The following STAM2 variants were observed in gnomAD, a reference collection of about 807,000 sequenced individuals.
STAM2 encodes the protein signal transducing adapter molecule 2.
STAM2 carries 51 observed loss-of-function variants against 65.6 expected under a neutral mutation model. The ratio of observed to expected loss-of-function variants is 0.78; its 90% CI spans 0.62 to 0.98. The LOEUF is 0.98. Among genes scored for constraint, STAM2 ranks in the 50% least tolerant of loss-of-function variants. The pLI, the probability that STAM2 is intolerant of heterozygous loss-of-function variation, is 0.00. For missense variants in STAM2, 584 were observed against 617.8 expected, an observed-to-expected ratio of 0.95 and a Z score of 0.58; for synonymous variants, 198 against 208.4, an observed-to-expected ratio of 0.95 and a Z score of 0.43.
intron 8 of STAM2, among the ~76,000 whole-genome samples, chr2:152,134,179 T>C (rs1432533375): frequency 6.6e-6 from 1 of 152,192 alleles, no homozygotes; most frequent in East Asian, 1.9e-4. Context: ...AAAACCTATG[T>C]AGCCAAACAA....
At chr2:152,156,361 T>C (rs1689546541) in intron 1 of STAM2, among the ~76,000 whole-genome samples, 1 of 152,206 alleles carries the variant, frequency 6.6e-6, no homozygotes, top group African/African-American at 2.4e-5. Flanking sequence ...ATTTAAATTA[T>C]GCACTTAGGA....
chr2:152,141,659 C>T (rs1000660613), intron 7 of STAM2, among the ~76,000 whole-genome samples: 8 of 151,796 alleles, frequency 5.3e-5, no homozygotes, highest in Admixed American at 1.3e-4. Flanking sequence ...GGCACGATCT[C>T]GGCTCACTGC....
intron 7 of STAM2, among the ~76,000 whole-genome samples, chr2:152,141,525 C>T (rs576743918): frequency 9.2e-5 from 14 of 151,896 alleles, no homozygotes; most frequent in African/African-American, 1.2e-4. Context: ...TAAAGCAAGA[C>T]TCTGTCTCAA....
Position 152,132,078 on chromosome 2 carries a change from A to G in STAM2, c.1025+36T>C, listed in dbSNP as rs762611959. 2.3e-5 allele frequency: 35 copies of G among 1,527,472 alleles called. No homozygotes were observed. The East Asian group carries it at 8.3e-4, about 36-fold the overall frequency. 94.6% of individuals were successfully genotyped at this position (1,527,472 alleles called of 1,614,324 possible). A position where few individuals can be genotyped will look rare whatever the true frequency, so the allele number is the denominator to read the frequency against. On this transcript the variant is annotated intron_variant, in intron 11 of 13. Transcript: ENST00000263904. ...TGCCAAAACACAAGTGAACCCCCCA[A>G]AACTATACTTTTTATTCCTGCACGA...
chr2:152,134,962 G>C (rs933118202), intron 8 of STAM2, among the ~76,000 whole-genome samples: 3 of 152,228 alleles, frequency 2.0e-5, no homozygotes, highest in Non-Finnish European at 4.4e-5. Flanking sequence ...GCTGCAGACT[G>C]ACTAAAGTTC....
At chr2:152,135,260 T>A (rs1689133617) in intron 8 of STAM2, among the ~76,000 whole-genome samples, 1 of 152,214 alleles carries the variant, frequency 6.6e-6, no homozygotes, top group Non-Finnish European at 1.5e-5. Context: ...ACAAATGATT[T>A]TATGCCTGAC....
At chr2:152,160,797 G>A (rs1450848282) in intron 1 of STAM2, among the ~76,000 whole-genome samples, 61 of 148,618 alleles carry the variant, frequency 4.1e-4, no homozygotes, top group African/African-American at 1.3e-3. Context: ...CCCTCTGCCC[G>A]GCCAGCCGCC....
At chr2:152,137,601 G>A (rs886075493) in intron 7 of STAM2, among the ~76,000 whole-genome samples, 4 of 152,068 alleles carry the variant, frequency 2.6e-5, no homozygotes, top group Non-Finnish European at 5.9e-5. Context: ...TTCTTTAACT[G>A]TACAGTGGTT....
At position 152,120,647 on chromosome 2, in the gene STAM2, C is replaced by A. The variant is rs751819101; in HGVS notation, c.1505G>T (p.Gly502Val). The change falls in exon 14 of 14, where the codon GGC becomes GTC. Residue 502 changes from glycine to valine, a missense_variant. Physicochemically the swap from Gly to Val is moderately radical, Grantham distance 109. Coordinates refer to ENST00000263904, the MANE Select transcript of STAM2 (RefSeq NM_005843.6). The stretch of plus-strand genomic sequence containing the variant: ...ATGAGCTGGAACTGTCACCGGAAAG[C>A]CTGCCAGTTGAGGCAAATTGGAAGT... ...NTTSNLPQLA[G>V]FPVTVPAHPV... is the part of the protein sequence containing the mutation. The A allele has an allele frequency of 6.2e-7, 1 of 1,614,108 alleles. No homozygotes were observed. The highest frequency in any genetic ancestry group is 8.5e-7 in the Non-Finnish European group (1 of 1,180,022).
chr2:152,144,884 T>C lies in STAM2; in HGVS notation c.517+4A>G, dbSNP rs1302324115. On this transcript the variant is annotated splice_donor_region_variant and intron_variant, in intron 6 of 13. Coordinates refer to ENST00000263904, the MANE Select transcript of STAM2 (RefSeq NM_005843.6). ...CACTAAATTACATGTGCTTGATCAT[T>C]TACCTTTAGCTATGTCTTCATCCTC... The C allele has an allele frequency of 6.2e-7, 1 of 1,612,920 alleles. No individual in the cohort carries two copies. Among genetic ancestry groups the C allele is most frequent in the Non-Finnish European group, 8.5e-7 (1 of 1,179,058 alleles).
At chr2:152,166,136 T>C (rs978209578) in intron 1 of STAM2, among the ~76,000 whole-genome samples, 2 of 152,136 alleles carry the variant, frequency 1.3e-5, no homozygotes, top group Admixed American at 1.3e-4. Context: ...ATCACGCCAC[T>C]GCATTCCAGG....
In STAM2 at chr2:152,144,946, A is replaced by C. The variant is rs1224217935; in HGVS notation, c.459T>G (p.Ala153=). The change falls in exon 6 of 14, where the codon GCT becomes GCG. Residue 153 remains alanine (A), a synonymous_variant. Coordinates refer to ENST00000263904, the MANE Select transcript of STAM2 (RefSeq NM_005843.6). ...FPPAGSQTVS[A]AAKNGTSSNK... ...TCGATGACGTACCATTCTTGGCAGC[A>C]GCTGAGACAGTCTGTAAATGTATGA... The C allele has an allele frequency of 6.8e-6, 11 of 1,613,590 alleles. No homozygotes were observed. In the East Asian group the frequency reaches 2.5e-4, roughly 36 times the overall value.
At chr2:152,146,106 C>T (rs1318274534) in intron 5 of STAM2, among the ~76,000 whole-genome samples, 1 of 151,624 alleles carries the variant, frequency 6.6e-6, no homozygotes, top group Non-Finnish European at 1.5e-5. Context: ...CCCGTCTCTA[C>T]TAAAAATACA....
At chr2:152,152,019 A>G (rs568679661) in intron 1 of STAM2, among the ~76,000 whole-genome samples, 1 of 152,210 alleles carries the variant, frequency 6.6e-6, no homozygotes, top group African/African-American at 2.4e-5. Flanking sequence ...AACTCACTGC[A>G]GCCTTTATCT....
chr2:152,161,521 A>G lies in STAM2; in HGVS notation c.41-11292T>C, dbSNP rs994881880. 1.2e-3 allele frequency among the ~76,000 whole-genome samples: 174 copies of G among 149,902 alleles called. 1 individual carries two copies. The highest frequency in any genetic ancestry group is 4.1e-3 in the African/African-American group (166 of 40,894). The stretch of plus-strand genomic sequence containing the variant: ...AAAAAAAAAAAAAAAAAAAAACATT[A>G]TATATACTTACTAGGTTTCTAGACT... On this transcript the variant is annotated intron_variant, in intron 1 of 13. Transcript: ENST00000263904.
chr2:152,138,813 T>C (rs1399124482), intron 7 of STAM2, among the ~76,000 whole-genome samples: 1 of 152,222 alleles, frequency 6.6e-6, no homozygotes, highest in African/African-American at 2.4e-5. Context: ...AGTTAACTTT[T>C]CATTTTGAAA....
rs188820584 is a variant in STAM2 at position 152,135,868 on chromosome 2, T to C, written c.705-265A>G. 5.9e-4 allele frequency among the ~76,000 whole-genome samples: 90 copies of C among 152,236 alleles called. 1 individual carries two copies. The highest frequency in any genetic ancestry group is 5.5e-3 in the Admixed American group (84 of 15,288). On this transcript the variant is annotated intron_variant, in intron 7 of 13. Coordinates refer to ENST00000263904, the MANE Select transcript of STAM2 (RefSeq NM_005843.6). ...ACTTTGGGAGGCCAAGGTGGACAGA[T>C]CACCAGAGGTCAGGAGTTTGAGATC...
chr2:152,123,635 A>ACAC, intron 13 of STAM2, 131 bp downstream of exon 13: 1 of 922,104 alleles, frequency 1.1e-6, no homozygotes, highest in Admixed American at 2.6e-5. Context: ...AGCTAAGGTA[A>ACAC]CACCATTCCA....
At chr2:152,137,061 T>C (rs1560213952) in intron 7 of STAM2, among the ~76,000 whole-genome samples, 1 of 151,936 alleles carries the variant, frequency 6.6e-6, no homozygotes, top group Non-Finnish European at 1.5e-5. Flanking sequence ...CACCTATTTT[T>C]GTATTTTTAG....
Sources: allele counts gnomAD v4.1 joint callset (sites outside exome capture counted in the v4.1 genomes callset), GRCh38; gene constraint gnomAD v4.1.1; transcripts MANE v1.5; gene names NCBI Gene and HGNC (gene_info 2026-07-23, HGNC 2026-07-21).